PSMD2: variants seen among roughly 807,000 people sequenced by gnomAD.
The protein encoded by PSMD2 is 26S proteasome non-ATPase regulatory subunit 2.
A neutral mutation model predicts 101.5 loss-of-function variants in PSMD2; 8 were observed. The ratio of observed to expected loss-of-function variants is 0.08; its 90% CI spans 0.05 to 0.14. The LOEUF is 0.14. Among genes scored for constraint, PSMD2 ranks in the 10% least tolerant of loss-of-function variants. The pLI, the probability that PSMD2 is intolerant of heterozygous loss-of-function variation, is 1.00. For synonymous variants in PSMD2, 418 were observed against 433.8 expected, an observed-to-expected ratio of 0.96 and a Z score of 0.45; for missense variants, 784 against 1,147.4, an observed-to-expected ratio of 0.68 and a Z score of 4.58.
intron 2 of PSMD2, 93 bp downstream of exon 2, chr3:184,300,000 G>A: frequency 8.7e-7 from 1 of 1,147,846 alleles, no homozygotes; most frequent in Non-Finnish European, 1.3e-6. Flanking sequence ...ACGGTGGACT[G>A]TATTTTAGGG....
In PSMD2 at chr3:184,300,409, G is replaced by A. The variant is rs1412413435; in HGVS notation, c.322G>A (p.Glu108Lys). 1.9e-6 allele frequency: 3 copies of A among 1,614,124 alleles called. No homozygotes were observed. In the South Asian group the frequency reaches 3.3e-5, roughly 18 times the overall value. Reference protein sequence around the residue: ...FLRPHYGKLKEIYENMAPGEN... With the variant: ...FLRPHYGKLKKIYENMAPGEN... ...GCGTCCACACTATGGCAAACTGAAGGAAATCTATGAGAACATGGCCCCTGG... is the reference window on the plus strand; with the variant it reads ...GCGTCCACACTATGGCAAACTGAAGAAAATCTATGAGAACATGGCCCCTGG... The change falls in exon 3 of 21, where the codon GAA (glutamate) becomes AAA (lysine). Residue 108 changes from glutamate to lysine, a missense_variant. Physicochemically the swap from Glu to Lys is moderately conservative, Grantham distance 56. Coordinates refer to ENST00000310118, the MANE Select transcript of PSMD2 (RefSeq NM_002808.5).
At chr3:184,302,943 A>C in intron 7 of PSMD2, 59 bp from the exon 8 acceptor site, 1 of 1,610,844 alleles carries the variant, frequency 6.2e-7, no homozygotes, top group East Asian at 2.2e-5. Flanking sequence ...GTGGGATAGC[A>C]GAAGGGACAG....
At position 184,302,510 on chromosome 3, in the gene PSMD2, T is replaced by A; in HGVS notation, c.845T>A (p.Phe282Tyr). Residue 282 changes from phenylalanine (F) to tyrosine (Y), a missense_variant, in exon 6 of 21, where the codon TTC becomes TAC. Transcript: ENST00000310118. ...LNDMELVEDI[F>Y]TSCKDVVVQK... ...GACATGGAGTTGGTAGAAGACATCT[T>A]CACCTCCTGCAAGGATGTGTATGTA... 1 of 1,614,152 alleles carries A rather than the reference T, an allele frequency of 6.2e-7. No homozygotes were observed. Among genetic ancestry groups the A allele is most frequent in the Non-Finnish European group, 8.5e-7 (1 of 1,180,030 alleles).
chr3:184,306,620 C>G, intron 15 of PSMD2, 125 bp downstream of exon 15: 1 of 1,530,114 alleles, frequency 6.5e-7, no homozygotes, highest in South Asian at 1.3e-5. Flanking sequence ...TAGCGTGTGA[C>G]TGGGTTCTGT....
intron 4 of PSMD2, 89 bp from the exon 5 acceptor site, chr3:184,301,758 T>G: frequency 6.2e-7 from 1 of 1,608,942 alleles, no homozygotes; most frequent in Non-Finnish European, 8.5e-7. Context: ...CATCAGTGTA[T>G]TGAATTTCCC....
chr3:184,302,781 C>T lies in PSMD2; in HGVS notation c.966C>T (p.Ser322=), dbSNP rs375732244. The T allele has an allele frequency of 2.5e-6, 4 of 1,614,010 alleles. No individual in the cohort carries two copies. The African/African-American group carries it at 5.3e-5, about 22-fold the overall frequency. Residue 322 remains serine, a synonymous_variant, in exon 7 of 21, where the codon TCC becomes TCT. Transcript: ENST00000310118. The part of the protein sequence containing the change: ...EEYEDLTEIM[S]NVQLNSNFLA... ...ATGAGGACCTGACAGAGATCATGTCCAATGTACAGCTCAACAGCAACTTCT... is the reference window on the plus strand; with the variant it reads ...ATGAGGACCTGACAGAGATCATGTCTAATGTACAGCTCAACAGCAACTTCT...
In PSMD2 at chr3:184,303,028, T is replaced by C; in HGVS notation, c.1035T>C (p.Pro345=). 6.2e-7 allele frequency: 1 copy of C among 1,614,098 alleles called. No individual in the cohort carries two copies. The highest frequency in any genetic ancestry group is 2.2e-5 in the East Asian group (1 of 44,874). Residue 345 remains proline, a synonymous_variant, in exon 8 of 21, where the codon CCT becomes CCC. Coordinates refer to ENST00000310118, the MANE Select transcript of PSMD2 (RefSeq NM_002808.5). ...RELDIMEPKV[P]DDIYKTHLEN... The stretch of plus-strand genomic sequence containing the variant: ...TGGACATCATGGAGCCCAAGGTGCC[T>C]GATGACATCTACAAAACCCACCTAG...
chr3:184,299,959 G>A, intron 2 of PSMD2, 52 bp downstream of exon 2: 1 of 1,552,296 alleles, frequency 6.4e-7, no homozygotes, highest in Non-Finnish European at 8.9e-7. Flanking sequence ...TTTCCCACTT[G>A]TTTTATTCTT....
chr3:184,302,344 A>G, intron 5 of PSMD2, 26 bp from the exon 6 acceptor site: 3 of 1,602,448 alleles, frequency 1.9e-6, no homozygotes, highest in Non-Finnish European at 2.6e-6. Flanking sequence ...GACTTTCTGA[A>G]TTCTTTGTTA....
chr3:184,302,557 T>G (rs781705681), intron 6 of PSMD2, 29 bp downstream of exon 6: 53 of 1,613,274 alleles, frequency 3.3e-5, no homozygotes, highest in Non-Finnish European at 4.4e-5. Context: ...GGCAAAGAGA[T>G]AAGCTTACGA....
intron 3 of PSMD2, 168 bp downstream of exon 3, chr3:184,300,612 C>T: frequency 7.1e-7 from 1 of 1,413,968 alleles, no homozygotes; most frequent in Admixed American, 3.2e-5. Context: ...AAAGGAAGGT[C>T]AGCTTCTCAG....
intron 5 of PSMD2, 70 bp from the exon 6 acceptor site, chr3:184,302,300 G>A: frequency 2.2e-6 from 3 of 1,390,552 alleles, no homozygotes; most frequent in Non-Finnish European, 2.8e-6. Flanking sequence ...ATTTATTTTG[G>A]GTAAGTGAAT....
chr3:184,308,156 G>A lies in PSMD2; in HGVS notation c.2425+140G>A, dbSNP rs1356902319. 8.6e-7 allele frequency: 1 copy of A among 1,168,118 alleles called. No individual in the cohort carries two copies. The highest frequency in any genetic ancestry group is 1.2e-6 in the Non-Finnish European group (1 of 844,554). The allele number at this position is 1,168,118 out of a possible 1,614,324, so 72.4% of individuals were successfully genotyped here. A position where few individuals can be genotyped will look rare whatever the true frequency, so the allele number is the denominator to read the frequency against. On this transcript the variant is annotated intron_variant, in intron 19 of 20. Coordinates refer to ENST00000310118, the MANE Select transcript of PSMD2 (RefSeq NM_002808.5). This position sits in a 1 kb window ranked among gnomAD's most constrained non-coding sequence, Gnocchi z 6.0. ...GGTTTCTGAGACAGGCTTTGGGCCT[G>A]TGACATGAGACTTTCATCACCCACA...
chr3:184,303,102 A>T (rs368865069), intron 8 of PSMD2, 40 bp downstream of exon 8: 2 of 1,594,316 alleles, frequency 1.3e-6, no homozygotes, highest in South Asian at 1.1e-5. Context: ...GGGGGATTGT[A>T]GGTATGCCCC....
In PSMD2 at chr3:184,306,164, CT is replaced by C. The variant is rs756122644; in HGVS notation, c.1804+12del. 1 of 1,613,904 alleles carries C rather than the reference CT, an allele frequency of 6.2e-7. No homozygotes were observed. The highest frequency in any genetic ancestry group is 1.1e-5 in the South Asian group (1 of 91,076). ...TGTGTGTGCATATGCAGGTCTGTGTCTTTATGAGTCTGTCTTGTGCTTCCCC... is the reference window on the plus strand; with the variant it reads ...TGTGTGTGCATATGCAGGTCTGTGTCTTATGAGTCTGTCTTGTGCTTCCCC... On this transcript the variant is annotated intron_variant, in intron 14 of 20. Coordinates refer to ENST00000310118, the MANE Select transcript of PSMD2 (RefSeq NM_002808.5).
At chr3:184,301,702 CTG>C in intron 4 of PSMD2, 44 bp downstream of exon 4, 1 of 1,612,342 alleles carries the variant, frequency 6.2e-7, no homozygotes, top group Non-Finnish European at 8.5e-7. Flanking sequence ...CTCTGAGGCT[CTG>C]AGATAATTCA....
chr3:184,299,457 C>T (rs575393679), intron 1 of PSMD2, 56 bp downstream of exon 1: 13 of 1,306,484 alleles, frequency 1.0e-5, no homozygotes, highest in East Asian at 9.3e-5. Flanking sequence ...GTCACGGCGG[C>T]TCCGCAGGCC....
At position 184,300,504 on chromosome 3, in the gene PSMD2, T is replaced by TG. The variant is rs1721605855; in HGVS notation, c.357+66dup. 9 of 1,568,998 alleles carry TG rather than the reference T, an allele frequency of 5.7e-6. 1 individual carries two copies. The highest frequency in any genetic ancestry group is 4.1e-5 in the African/African-American group (3 of 73,336). ...TAGGAATTCCTTTTTACCCAGATCA[T>TG]GGGGGGACTCATTGTGAGTCACAGG... On this transcript the variant is annotated intron_variant, in intron 3 of 20. Transcript: ENST00000310118.
chr3:184,303,122 G>A, intron 8 of PSMD2, 60 bp downstream of exon 8: 3 of 1,567,750 alleles, frequency 1.9e-6, no homozygotes, highest in Non-Finnish European at 2.6e-6. Flanking sequence ...CTTGTATTGG[G>A]AGTGATGGCT....
Sources: allele counts gnomAD v4.1 joint callset, GRCh38; gene constraint gnomAD v4.1.1; non-coding constraint Gnocchi (gnomAD v3.1); transcripts MANE v1.5; gene names NCBI Gene and HGNC (gene_info 2026-07-23, HGNC 2026-07-21).